AGPAT4: variants seen among roughly 807,000 people sequenced by gnomAD.
AGPAT4 encodes 1-acylglycerol-3-phosphate O-acyltransferase 4.
AGPAT4 carries 15 observed loss-of-function variants against 48.0 expected under a neutral mutation model. The ratio of observed to expected loss-of-function variants is 0.31; its 90% confidence interval spans 0.21 to 0.48. The LOEUF is 0.48. Among genes scored for constraint, AGPAT4 ranks in the 20% least tolerant of loss-of-function variants. AGPAT4 has a pLI of 0.99. For missense variants in AGPAT4, 314 were observed against 482.5 expected (o/e 0.65, Z 3.27); for synonymous variants, 178 against 198.7 (o/e 0.90, Z 0.88).
At chr6:161,181,123 G>A (rs905302289) in intron 2 of AGPAT4, among the ~76,000 whole-genome samples, 22 of 152,090 alleles carry the variant, frequency 1.4e-4, no homozygotes, top group African/African-American at 2.9e-4. Flanking sequence ...CTACTAGCAC[G>A]GAATAAACAG....
rs1442628581 is a variant in AGPAT4 at position 161,223,342 on chromosome 6, C to G, written c.178+8694G>C. 6.6e-6 allele frequency among the ~76,000 whole-genome samples: 1 copy of G among 152,168 alleles called. No individual in the cohort carries two copies. The highest frequency in any genetic ancestry group is 1.5e-5 in the Non-Finnish European group (1 of 68,028). ...CTAGCAGATGTTTGCTTAACATCATCCTTGGGTGTTAAAATAAAAACTTGC... is the reference window on the plus strand; with the variant it reads ...CTAGCAGATGTTTGCTTAACATCATGCTTGGGTGTTAAAATAAAAACTTGC... On this transcript the variant is annotated intron_variant, in intron 2 of 8. Coordinates refer to ENST00000320285, the MANE Select transcript of AGPAT4 (RefSeq NM_020133.3). The surrounding 1 kb of genome is among the most constrained non-coding windows in gnomAD (Gnocchi z 6.3).
In AGPAT4 at chr6:161,139,611, G is replaced by A; in HGVS notation, c.853C>T (p.Gln285Ter). 6.2e-7 allele frequency: 1 copy of A among 1,601,804 alleles called. No homozygotes were observed. Among genetic ancestry groups the A allele is most frequent in the Non-Finnish European group, 8.5e-7 (1 of 1,170,754 alleles). The change falls in exon 8 of 9, where the codon CAG (glutamine) becomes TAG (stop). Residue 285 changes from glutamine (Q) to a stop codon, truncating the protein, a stop_gained. Transcript: ENST00000320285. LOFTEE classifies it high-confidence loss of function. The surrounding 1 kb of genome is among the most constrained non-coding windows in gnomAD (Gnocchi z 9.1). The stretch of plus-strand genomic sequence containing the variant: ...GTGCCCGTCCTGTAGTACTCCTCCT[G>A]AAAGGCATCCTGGGGGACAGGAAAG... Reference protein sequence around the residue: ...HKLYQEKDAFQEEYYRTGTFP... With the variant: ...HKLYQEKDAF
rs1479690767 is a variant in AGPAT4 at position 161,266,955 on chromosome 6, C to T, written c.-90+6983G>A. ...TTTCAGAGTTGATCTAAGATAAGCA[C>T]TGGCAGGGTCTTTGCAGATAATAAT... On this transcript the variant is annotated intron_variant, in intron 1 of 8. Transcript: ENST00000320285. The surrounding 1 kb of genome is among the most constrained non-coding windows in gnomAD (Gnocchi z 6.2). Among the ~76,000 whole-genome samples the T allele has an allele frequency of 6.6e-6, 1 of 152,228 alleles. No individual in the cohort carries two copies. The highest frequency in any genetic ancestry group is 2.4e-5 in the African/African-American group (1 of 41,454).
chr6:161,161,282 T>C lies in AGPAT4; in HGVS notation c.348+4966A>G, dbSNP rs1483387749. 3 of 456,566 alleles carry C rather than the reference T, an allele frequency of 6.6e-6. No homozygotes were observed. Among genetic ancestry groups the C allele is most frequent in the African/African-American group, 2.0e-5 (1 of 50,080 alleles). 28.3% of individuals were successfully genotyped at this position (456,566 alleles called of 1,614,324 possible). A position where few individuals can be genotyped will look rare whatever the true frequency, so the allele number is the denominator to read the frequency against. ...GCATGCGCTCCCACCTCCAGGATGG[T>C]AGTCGGTATGAACCCGCGGTGCAGC... On this transcript the variant is annotated intron_variant, in intron 3 of 8. Transcript: ENST00000320285. The surrounding 1 kb of genome is among the most constrained non-coding windows in gnomAD (Gnocchi z 4.6).
chr6:161,256,824 T>G (rs1303146363), intron 1 of AGPAT4, among the ~76,000 whole-genome samples: 2 of 152,232 alleles, frequency 1.3e-5, no homozygotes, highest in Non-Finnish European at 2.9e-5. Context: ...CACTGAAATT[T>G]TCATGCATTC....
Position 161,206,850 on chromosome 6 carries a change from C to T in AGPAT4, c.178+25186G>A, listed in dbSNP as rs1459872536. On this transcript the variant is annotated intron_variant, in intron 2 of 8. Transcript: ENST00000320285. This position sits in a 1 kb window ranked among gnomAD's most constrained non-coding sequence, Gnocchi z 4.8. ...AAAAAAAGGTTTTCAAAAAAAGAAC[C>T]AAGTGGAAAAGTAATTGGTCAAAAT... Among the ~76,000 whole-genome samples, 1 of 151,546 alleles carries T rather than the reference C, an allele frequency of 6.6e-6. No individual in the cohort carries two copies. Among genetic ancestry groups the T allele is most frequent in the African/African-American group, 2.4e-5 (1 of 41,226 alleles).
intron 5 of AGPAT4, among the ~76,000 whole-genome samples, chr6:161,153,051 C>A (rs923843818): frequency 6.6e-6 from 1 of 152,176 alleles, no homozygotes; most frequent in African/African-American, 2.4e-5. Context: ...AGGCCTGGAC[C>A]CAGGTTACCC....
Position 161,232,199 on chromosome 6 carries a change from T to G in AGPAT4, c.15A>C (p.Gly5=). Reference sequence around the variant, plus strand: ...GGCACAGGAACTGAGACTTCAGCAGTCCCGCGAGGTCCATGATGCGTGGAC... The same window carrying G: ...GGCACAGGAACTGAGACTTCAGCAGGCCCGCGAGGTCCATGATGCGTGGAC... MDLA[G]LLKSQFLCHL... The change falls in exon 2 of 9, where the codon GGA becomes GGC. Residue 5 remains glycine, a synonymous_variant. Transcript: ENST00000320285. This position sits in a 1 kb window ranked among gnomAD's most constrained non-coding sequence, Gnocchi z 6.8. The G allele has an allele frequency of 6.2e-7, 1 of 1,613,862 alleles. No homozygotes were observed. Among genetic ancestry groups the G allele is most frequent in the Non-Finnish European group, 8.5e-7 (1 of 1,179,962 alleles).
At chr6:161,156,589 C>A (rs1157255110) in intron 3 of AGPAT4, among the ~76,000 whole-genome samples, 1 of 152,226 alleles carries the variant, frequency 6.6e-6, no homozygotes, top group Non-Finnish European at 1.5e-5. Context: ...ATTATTATGA[C>A]TTTATGAAAA....
In AGPAT4 at chr6:161,158,783, C is replaced by A. The variant is rs545338724; in HGVS notation, c.349-4473G>T. Reference sequence around the variant, plus strand: ...GGTTTTCTCCAAAATGGCTACTCATCAAGGCTTCAGATGAAGATTCCAAAC... The same window carrying A: ...GGTTTTCTCCAAAATGGCTACTCATAAAGGCTTCAGATGAAGATTCCAAAC... On this transcript the variant is annotated intron_variant, in intron 3 of 8. Coordinates refer to ENST00000320285, the MANE Select transcript of AGPAT4 (RefSeq NM_020133.3). The surrounding 1 kb of genome is among the most constrained non-coding windows in gnomAD (Gnocchi z 5.3). 6.6e-6 allele frequency among the ~76,000 whole-genome samples: 1 copy of A among 152,320 alleles called. No homozygotes were observed. Among genetic ancestry groups the A allele is most frequent in the Non-Finnish European group, 1.5e-5 (1 of 68,038 alleles).
At position 161,248,072 on chromosome 6, in the gene AGPAT4, T is replaced by A. The variant is rs533495784; in HGVS notation, c.-89-15770A>T. 4.8e-5 allele frequency among the ~76,000 whole-genome samples: 7 copies of A among 147,126 alleles called. No homozygotes were observed. In the South Asian group the frequency reaches 1.5e-3, roughly 32 times the overall value. On this transcript the variant is annotated intron_variant, in intron 1 of 8. Coordinates refer to ENST00000320285, the MANE Select transcript of AGPAT4 (RefSeq NM_020133.3). ...GGCATCCAAATAGGAAGAGTGGAAG[T>A]CAAACTATCCCTGTTTGTAGATGAC...
intron 2 of AGPAT4, among the ~76,000 whole-genome samples, chr6:161,167,353 G>C (rs1780132298): frequency 6.6e-6 from 1 of 152,122 alleles, no homozygotes; most frequent in Admixed American, 6.5e-5. Context: ...AGCCTCCTGA[G>C]TAGCTGGGAC....
At chr6:161,256,629 G>A (rs139858128) in intron 1 of AGPAT4, among the ~76,000 whole-genome samples, 10,402 of 152,310 alleles carry the variant, frequency 0.068, 424 homozygotes, top group Middle Eastern at 0.15. Context: ...CCTCCCTGAA[G>A]CAGGCTCGGG....
Position 161,261,291 on chromosome 6 carries a change from G to C in AGPAT4, c.-90+12647C>G, listed in dbSNP as rs1582918179. Among the ~76,000 whole-genome samples the C allele has an allele frequency of 2.0e-5, 3 of 152,242 alleles. No homozygotes were observed. In the Middle Eastern group the frequency reaches 0.01, roughly 518 times the overall value. On this transcript the variant is annotated intron_variant, in intron 1 of 8. Coordinates refer to ENST00000320285, the MANE Select transcript of AGPAT4 (RefSeq NM_020133.3). This position sits in a 1 kb window ranked among gnomAD's most constrained non-coding sequence, Gnocchi z 5.3. Reference sequence around the variant, plus strand: ...GCACGAGTCCATGAGACAAACAACAGAAAAGACCCGGCACAGTCCTGGGCC... The same window carrying C: ...GCACGAGTCCATGAGACAAACAACACAAAAGACCCGGCACAGTCCTGGGCC...
At chr6:161,199,138 CTT>C (rs1453151499) in intron 2 of AGPAT4, among the ~76,000 whole-genome samples, 2 of 151,806 alleles carry the variant, frequency 1.3e-5, no homozygotes, top group Admixed American at 1.3e-4. Context: ...TGGCCTCAGT[CTT>C]TTCTGCATAA....
chr6:161,172,358 C>G (rs557019121), intron 2 of AGPAT4, among the ~76,000 whole-genome samples: 1 of 152,332 alleles, frequency 6.6e-6, no homozygotes, highest in South Asian at 2.1e-4. Flanking sequence ...GCCCACCACA[C>G]CTGCCGAGCA....
Position 161,220,436 on chromosome 6 carries a change from A to G in AGPAT4, c.178+11600T>C, listed in dbSNP as rs2115026788. The stretch of plus-strand genomic sequence containing the variant: ...AAATGAGCTGGAGAGGCAGATAGAC[A>G]GCTTCCTCGATACTTCAGATTAAAA... On this transcript the variant is annotated intron_variant, in intron 2 of 8. Transcript: ENST00000320285. The surrounding 1 kb of genome is among the most constrained non-coding windows in gnomAD (Gnocchi z 6.0). Among the ~76,000 whole-genome samples the G allele has an allele frequency of 6.6e-6, 1 of 152,364 alleles. No individual in the cohort carries two copies. Among genetic ancestry groups the G allele is most frequent in the South Asian group, 2.1e-4 (1 of 4,828 alleles).
intron 1 of AGPAT4, among the ~76,000 whole-genome samples, chr6:161,253,150 T>C (rs1266674272): frequency 6.9e-6 from 1 of 145,212 alleles, no homozygotes; most frequent in African/African-American, 2.5e-5. Flanking sequence ...GAGGTGGAGG[T>C]TGCAGTGAGC....
chr6:161,228,886 A>T (rs1285108058), intron 2 of AGPAT4, among the ~76,000 whole-genome samples: 1 of 151,756 alleles, frequency 6.6e-6, no homozygotes, highest in African/African-American at 2.4e-5. Flanking sequence ...AAATAAGACA[A>T]AGCAACCCTC....
Sources: allele counts gnomAD v4.1 joint callset (sites outside exome capture counted in the v4.1 genomes callset), GRCh38; gene constraint gnomAD v4.1.1; non-coding constraint Gnocchi (gnomAD v3.1); transcripts MANE v1.5; gene names NCBI Gene and HGNC (gene_info 2026-07-23, HGNC 2026-07-21).